Variants in ATXN3 observed in about 807,000 individuals in gnomAD.
ATXN3 encodes ataxin 3.
Under a neutral mutation model 58.2 loss-of-function variants are expected in ATXN3, and 28 were observed. That is an observed-to-expected ratio of 0.48 (90% confidence interval 0.36 to 0.66). ATXN3 has a LOEUF of 0.66. Ranked by LOEUF, ATXN3 falls within the 30% of genes least tolerant of loss-of-function variation. The pLI is 0.00. For synonymous variants in ATXN3, 113 were observed against 138.5 expected (o/e 0.82, Z 1.29); for missense variants, 321 against 422.1 (o/e 0.76, Z 2.10).
chr14:92,064,711 C>A (rs2058067876), intron 10 of ATXN3, among the ~76,000 whole-genome samples: 1 of 152,132 alleles, frequency 6.6e-6, no homozygotes, highest in Non-Finnish European at 1.5e-5. Context: ...TTTATCTTTT[C>A]CTGCACGTCA....
upstream of ATXN3, among the ~76,000 whole-genome samples, chr14:92,051,085 AAAAT>A (rs2057446286): frequency 6.6e-6 from 1 of 152,226 alleles, no homozygotes; most frequent in African/African-American, 2.4e-5. Flanking sequence ...AACTTATTGA[AAAAT>A]AAAAGATTTA....
At chr14:92,047,084 G>A (rs1440606779) in intron 2 of ATXN3, among the ~76,000 whole-genome samples, 1 of 152,208 alleles carries the variant, frequency 6.6e-6, no homozygotes, top group African/African-American at 2.4e-5. Flanking sequence ...GAAGCCTTGC[G>A]GCAGTACAGC....
intron 4 of ATXN3, 136 bp from the exon 5 acceptor site, chr14:92,093,454 T>C (rs979562710): frequency 3.1e-6 from 2 of 639,224 alleles, no homozygotes; most frequent in South Asian, 2.1e-5. Flanking sequence ...TTTTAAAAGA[T>C]CACACAACCA....
intron 9 of ATXN3, 122 bp from the exon 10 acceptor site, chr14:92,071,175 A>G (rs1295127251): frequency 5.7e-6 from 8 of 1,399,498 alleles, no homozygotes; most frequent in Non-Finnish European, 7.8e-6. Context: ...CACTGGTATT[A>G]AAAGAATGCA....
rs192210101 is a variant in ATXN3, at chr14:92,094,006, C to T, written c.235-175G>A. ...TCGCCCAGGCTGGAGTATAGTGGCA[C>T]GATCTCGGCTCGCTGCAACCTCCGC... On this transcript the variant is annotated intron_variant, in intron 3 of 10. Transcript: ENST00000644486. 4.6e-4 allele frequency among the ~76,000 whole-genome samples: 69 copies of T among 149,452 alleles called. 2 individuals are homozygous for T. The East Asian group carries it at 0.012, about 26-fold the overall frequency.
At chr14:92,056,625 TACTG>T (rs966697149), downstream of ATXN3, among the ~76,000 whole-genome samples, 3 of 152,114 alleles carry the variant, frequency 2.0e-5, no homozygotes, top group South Asian at 2.1e-4. Flanking sequence ...TAGGGAGCCA[TACTG>T]ACTGACTGAG....
intron 6 of ATXN3, among the ~76,000 whole-genome samples, chr14:92,086,832 G>T (rs1302163234): frequency 6.6e-6 from 1 of 150,516 alleles, no homozygotes; most frequent in Non-Finnish European, 1.5e-5. Context: ...AAGGGGGGGG[G>T]AACTGATTAT....
Position 92,064,201 on chromosome 14 carries a change from C to A in ATXN3, c.*119G>T. On this transcript the variant is annotated 3_prime_UTR_variant, in exon 11 of 11. Coordinates refer to ENST00000644486, the MANE Select transcript of ATXN3 (RefSeq NM_004993.6). ...TTCCACTTTCCCATCATTTTGTTTG[C>A]AAACCGCTAAAAGTCTTATTTCCTC... is the stretch of plus-strand genomic sequence containing the variant. 1.6e-6 allele frequency: 1 copy of A among 620,486 alleles called. No homozygotes were observed. 38.4% of individuals were successfully genotyped at this position (620,486 alleles called of 1,614,324 possible). A position where few individuals can be genotyped will look rare whatever the true frequency, so the allele number is the denominator to read the frequency against.
At chr14:92,053,393 A>G (rs545688862), upstream of ATXN3, among the ~76,000 whole-genome samples, 1 of 152,284 alleles carries the variant, frequency 6.6e-6, no homozygotes, top group Non-Finnish European at 1.5e-5. Flanking sequence ...GTTCTGGCCA[A>G]TGTAATGTAA....
intron 9 of ATXN3, chr14:92,071,258 T>A: frequency 1.1e-6 from 1 of 880,736 alleles, no homozygotes; most frequent in Non-Finnish European, 1.8e-6. Context: ...ACATAAAATT[T>A]AAATTTATCA....
intron 6 of ATXN3, among the ~76,000 whole-genome samples, chr14:92,087,163 A>C (rs559808979): frequency 4.6e-5 from 7 of 152,286 alleles, no homozygotes; most frequent in Admixed American, 3.9e-4. Context: ...TATTTTTTAT[A>C]AACTTCTTGG....
At chr14:92,054,021 G>A (rs1394625549), downstream of ATXN3, among the ~76,000 whole-genome samples, 2 of 151,150 alleles carry the variant, frequency 1.3e-5, no homozygotes, top group East Asian at 3.9e-4. Context: ...TGCAACCTCC[G>A]CCTCCCAGAT....
At chr14:92,070,144 T>A (rs1438280942) in intron 10 of ATXN3, among the ~76,000 whole-genome samples, 1 of 152,230 alleles carries the variant, frequency 6.6e-6, no homozygotes, top group African/African-American at 2.4e-5. Context: ...TCTCAACTTC[T>A]ACTACTAATT....
rs869147623 is a variant in ATXN3 at position 92,086,253 on chromosome 14, C to CAAA, written c.475+2474_475+2476dup. On this transcript the variant is annotated intron_variant, in intron 6 of 10. Coordinates refer to ENST00000644486, the MANE Select transcript of ATXN3 (RefSeq NM_004993.6). ...TGAAACCCTGTCTCTACTAAAAATA[C>CAAA]AAAAAAAAAAAAAAAAAATTTAGCC... is the stretch of plus-strand genomic sequence containing the variant. Among the ~76,000 whole-genome samples, 428 of 94,924 alleles carry CAAA rather than the reference C, an allele frequency of 4.5e-3. 11 individuals are homozygous for CAAA. The highest frequency in any genetic ancestry group is 0.017 in the African/African-American group (400 of 22,922). The allele number at this position is 94,924 out of a possible 152,430, so 62.3% of individuals were successfully genotyped here.
rs2065170762 is a variant in ATXN3 at position 92,096,121 on chromosome 14, A to G, written c.206T>C (p.Met69Thr). 2.1e-6 allele frequency: 3 copies of G among 1,404,530 alleles called. No homozygotes were observed. The highest frequency in any genetic ancestry group is 9.6e-7 in the Non-Finnish European group (1 of 1,045,190). The allele number at this position is 1,404,530 out of a possible 1,614,324, so 87.0% of individuals were successfully genotyped here. Residue 69 changes from methionine (M) to threonine (T), a missense_variant, in exon 3 of 11, where the codon ATG becomes ACG. Coordinates refer to ENST00000644486, the MANE Select transcript of ATXN3 (RefSeq NM_004993.6). ...RTFLQQPSGN[M>T]DDSGFFSIQV... is the part of the protein sequence containing the mutation. ...AATAGAGAAAAAACCACTGTCATCCATATTTCCAGAAGGCTGCTGTTAATT... is the reference window on the plus strand; with the variant it reads ...AATAGAGAAAAAACCACTGTCATCCGTATTTCCAGAAGGCTGCTGTTAATT...
chr14:92,085,185 A>AT (rs1217635413), intron 6 of ATXN3, among the ~76,000 whole-genome samples: 122 of 146,996 alleles, frequency 8.3e-4, no homozygotes, highest in Admixed American at 1.2e-3. Flanking sequence ...GACTTCACAT[A>AT]TTTTTTTTTT....
intron 1 of ATXN3, among the ~76,000 whole-genome samples, chr14:92,097,659 G>A (rs996569688): frequency 1.3e-5 from 2 of 151,694 alleles, no homozygotes; most frequent in Non-Finnish European, 2.9e-5. Flanking sequence ...CCAAGTAGCT[G>A]CGACTACAGG....
At position 92,064,246 on chromosome 14, in the gene ATXN3, A is replaced by G; in HGVS notation, c.*74T>C. On this transcript the variant is annotated 3_prime_UTR_variant, in exon 11 of 11. Coordinates refer to ENST00000644486, the MANE Select transcript of ATXN3 (RefSeq NM_004993.6). ...TTCCTCATCTCTTTGACACATTACC[A>G]AAGTGGACCCTATGCTGTAATCACA... 3 of 1,102,836 alleles carry G rather than the reference A, an allele frequency of 2.7e-6. No individual in the cohort carries two copies. The highest frequency in any genetic ancestry group is 2.7e-6 in the Non-Finnish European group (2 of 750,682). 68.3% of individuals were successfully genotyped at this position (1,102,836 alleles called of 1,614,324 possible). A position where few individuals can be genotyped will look rare whatever the true frequency, so the allele number is the denominator to read the frequency against.
intron 7 of ATXN3, among the ~76,000 whole-genome samples, 183 bp from the exon 8 acceptor site, chr14:92,082,649 C>CTTT (rs34366039): frequency 3.0e-5 from 4 of 132,910 alleles, no homozygotes; most frequent in Admixed American, 7.7e-5. Flanking sequence ...TTTTCCGTTT[C>CTTT]TTTTTTTTTT....
Sources: allele counts gnomAD v4.1 joint callset (sites outside exome capture counted in the v4.1 genomes callset), GRCh38; gene constraint gnomAD v4.1.1; transcripts MANE v1.5; gene names NCBI Gene and HGNC (gene_info 2026-07-23, HGNC 2026-07-21).